Variants in ARAP2 observed in about 807,000 individuals in gnomAD.
The protein encoded by ARAP2 is arf-GAP with Rho-GAP domain, ANK repeat and PH domain-containing protein 2.
ARAP2 carries 148 observed loss-of-function variants against 194.5 expected under a neutral mutation model. The ratio of observed to expected loss-of-function variants is 0.76; its 90% CI spans 0.67 to 0.87. The LOEUF is 0.87. ARAP2 is among the 40% of genes least tolerant of loss of function. The pLI is 0.00. For synonymous variants in ARAP2, 695 were observed against 683.5 expected (o/e 1.02, Z -0.26); for missense variants, 2,128 against 1,989.7 (o/e 1.07, Z -1.32).
At chr4:36,048,161 C>A (rs1014900708) in intron 3 of ARAP2, among the ~76,000 whole-genome samples, 1 of 152,108 alleles carries the variant, frequency 6.6e-6, no homozygotes, top group Non-Finnish European at 1.5e-5. Context: ...AGATTAAAGT[C>A]CATTGATCAA....
intron 27 of ARAP2, among the ~76,000 whole-genome samples, chr4:36,093,965 A>T (rs1714475033): frequency 1.3e-5 from 2 of 152,228 alleles, no homozygotes; most frequent in Non-Finnish European, 2.9e-5. Context: ...GTCCAAGTTT[A>T]AACCTAACAT....
At chr4:36,156,008 A>G (rs1170917381) in intron 15 of ARAP2, among the ~76,000 whole-genome samples, 1 of 152,052 alleles carries the variant, frequency 6.6e-6, no homozygotes, top group African/African-American at 2.4e-5. Flanking sequence ...TTGGCTGGGC[A>G]CAATGGCTCA....
chr4:36,024,948 G>GT (rs1359095368), intron 5 of ARAP2, among the ~76,000 whole-genome samples: 4 of 152,118 alleles, frequency 2.6e-5, no homozygotes, highest in Non-Finnish European at 4.4e-5. Flanking sequence ...CCTGTCATCT[G>GT]TAAGGTACTG....
At chr4:36,198,850 G>A (rs1743748584) in intron 6 of ARAP2, among the ~76,000 whole-genome samples, 1 of 152,236 alleles carries the variant, frequency 6.6e-6, no homozygotes, top group African/African-American at 2.4e-5. Flanking sequence ...GGCAGAGGCT[G>A]CTGCAACTGG....
chr4:36,058,709 G>C (rs1227425257), intron 1 of ARAP2, among the ~76,000 whole-genome samples: 1 of 151,928 alleles, frequency 6.6e-6, no homozygotes, highest in African/African-American at 2.4e-5. Flanking sequence ...GTGAATATGA[G>C]ATAAGGCACA....
chr4:36,127,712 A>G (rs1389873557), intron 21 of ARAP2, among the ~76,000 whole-genome samples: 1 of 151,974 alleles, frequency 6.6e-6, no homozygotes, highest in Non-Finnish European at 1.5e-5. Context: ...ACAAGAGAGA[A>G]ATAAAAATTA....
intron 27 of ARAP2, among the ~76,000 whole-genome samples, chr4:36,104,871 G>A (rs1405294128): frequency 1.3e-5 from 2 of 152,104 alleles, no homozygotes; most frequent in East Asian, 1.9e-4. Flanking sequence ...TGTATTTGCT[G>A]ATGGTTTTCC....
intron 19 of ARAP2, among the ~76,000 whole-genome samples, chr4:36,143,592 C>A (rs1250533754): frequency 2.6e-5 from 4 of 151,564 alleles, no homozygotes; most frequent in East Asian, 3.9e-4. Flanking sequence ...GGTAACTGCC[C>A]CCATTGTCAT....
intron 5 of ARAP2, among the ~76,000 whole-genome samples, chr4:36,041,703 AC>A (rs1720896346): frequency 6.6e-6 from 1 of 152,232 alleles, no homozygotes; most frequent in Non-Finnish European, 1.5e-5. Context: ...AAATCATTCA[AC>A]CATAAAGACA....
At chr4:36,030,444 T>C (rs1718734752) in intron 5 of ARAP2, among the ~76,000 whole-genome samples, 1 of 152,124 alleles carries the variant, frequency 6.6e-6, no homozygotes. Context: ...TATATAATTA[T>C]AGACCTTTTA....
At chr4:36,087,398 A>G (rs1401923471) in intron 28 of ARAP2, among the ~76,000 whole-genome samples, 3 of 152,244 alleles carry the variant, frequency 2.0e-5, no homozygotes, top group Middle Eastern at 3.4e-3. Context: ...TAATCAGACA[A>G]TAATTCCACA....
At chr4:36,069,183 C>T (rs987360103) in intron 32 of ARAP2, among the ~76,000 whole-genome samples, 1 of 151,946 alleles carries the variant, frequency 6.6e-6, no homozygotes, top group Non-Finnish European at 1.5e-5. Flanking sequence ...CTCAGTAGAT[C>T]CAAACATAAA....
intron 8 of ARAP2, among the ~76,000 whole-genome samples, chr4:36,184,765 G>C (rs905896975): frequency 6.6e-5 from 10 of 152,168 alleles, no homozygotes; most frequent in African/African-American, 2.4e-4. Flanking sequence ...AAGGTGATAA[G>C]CACCTCAAAG....
intron 6 of ARAP2, among the ~76,000 whole-genome samples, chr4:36,193,883 T>C (rs1742504072): frequency 1.3e-5 from 2 of 152,212 alleles, no homozygotes; most frequent in African/African-American, 4.8e-5. Context: ...AACAGCGTTG[T>C]TGCACACATT....
chr4:36,077,658 A>G (rs1481907039), intron 31 of ARAP2, among the ~76,000 whole-genome samples: 3 of 152,114 alleles, frequency 2.0e-5, no homozygotes, highest in Admixed American at 1.3e-4. Flanking sequence ...ATAGCTGTTC[A>G]TCCCACTTGC....
downstream of ARAP2, among the ~76,000 whole-genome samples, chr4:36,061,200 T>C (rs1724377524): frequency 6.6e-6 from 1 of 152,208 alleles, no homozygotes; most frequent in African/African-American, 2.4e-5. Context: ...TCAAGTACTT[T>C]TGTGTTAAAC....
chr4:36,204,594 C>A (rs1745119963), intron 6 of ARAP2, among the ~76,000 whole-genome samples: 1 of 152,104 alleles, frequency 6.6e-6, no homozygotes, highest in African/African-American at 2.4e-5. Flanking sequence ...GTTTTCTTAG[C>A]GGGCTACAGG....
At chr4:36,136,047 G>A (rs1010217341) in intron 19 of ARAP2, among the ~76,000 whole-genome samples, 1 of 151,732 alleles carries the variant, frequency 6.6e-6, no homozygotes, top group African/African-American at 2.4e-5. Flanking sequence ...TTGTCAAAGG[G>A]CGAATCCTAA....
chr4:36,083,358 C>A lies in ARAP2; in HGVS notation c.4508+10G>T. On this transcript the variant is annotated intron_variant, in intron 29 of 32. Coordinates refer to ENST00000303965, the MANE Select transcript of ARAP2 (RefSeq NM_015230.4). ...GTTTTTCCTTTCAGCACTTCCCTTT[C>A]AAACTTTACCTTGTTGGAGGCTTCA... 5.0e-6 allele frequency: 8 copies of A among 1,590,074 alleles called. No individual in the cohort carries two copies. The highest frequency in any genetic ancestry group is 6.9e-6 in the Non-Finnish European group (8 of 1,166,050).
Sources: gnomAD v4.1 joint callset for allele counts (sites outside exome capture counted in the v4.1 genomes callset) on GRCh38, gnomAD v4.1.1 for gene constraint, MANE v1.5 for transcripts, NCBI Gene and HGNC (gene_info 2026-07-23, HGNC 2026-07-21) for gene names.